The following EPHA6 variants were observed in gnomAD, a reference collection of about 807,000 sequenced individuals.
EPHA6 encodes EPH receptor A6.
EPHA6 carries 50 observed loss-of-function variants against 112.0 expected under a neutral mutation model. The observed-to-expected ratio is 0.45, with a 90% CI of 0.36 to 0.56. The LOEUF is 0.56. Among genes scored for constraint, EPHA6 ranks in the 20% least tolerant of loss-of-function variants. The probability of loss-of-function intolerance (pLI) is 0.00; values close to 1 mark genes in which losing one functional copy is unlikely to be tolerated. For missense variants in EPHA6, 1,280 were observed against 1,417.4 expected, an observed-to-expected ratio of 0.90 and a Z score of 1.56; for synonymous variants, 529 against 490.7, an observed-to-expected ratio of 1.08 and a Z score of -1.03.
chr3:97,284,253 T>C (rs997031522), intron 5 of EPHA6, among the ~76,000 whole-genome samples: 5 of 152,222 alleles, frequency 3.3e-5, no homozygotes, highest in African/African-American at 1.2e-4. Context: ...TTTTACTAGC[T>C]TTTAAATCTG....
intron 14 of EPHA6, among the ~76,000 whole-genome samples, chr3:97,645,302 TG>T (rs1219459039): frequency 2.1e-5 from 3 of 146,050 alleles, no homozygotes; most frequent in Non-Finnish European, 4.5e-5. Context: ...TAAGAAAATG[TG>T]GCACATATAC....
In EPHA6 at chr3:97,533,193, C is replaced by T. The variant is rs868455268; in HGVS notation, c.2386+650C>T. Among the ~76,000 whole-genome samples the T allele has an allele frequency of 2.0e-5, 3 of 151,862 alleles. No individual in the cohort carries two copies. In the South Asian group the frequency reaches 6.2e-4, roughly 31 times the overall value. On this transcript the variant is annotated intron_variant, in intron 11 of 17. Transcript: ENST00000389672. ...AAAAATGATAGGGCATAAAATATGA[C>T]AATATTTCTCATTACTTTATTCACT...
intron 2 of EPHA6, among the ~76,000 whole-genome samples, chr3:96,867,188 A>G (rs1027186105): frequency 2.6e-5 from 4 of 151,850 alleles, no homozygotes; most frequent in African/African-American, 9.7e-5. Context: ...AAGTTTATAT[A>G]TGTTACATTT....
intron 6 of EPHA6, among the ~76,000 whole-genome samples, chr3:97,408,194 T>C (rs2087484623): frequency 6.6e-6 from 1 of 152,042 alleles, no homozygotes; most frequent in Non-Finnish European, 1.5e-5. Flanking sequence ...GGTGTAGCCT[T>C]CATGGCCTAA....
chr3:96,908,304 C>G (rs1371915322), intron 2 of EPHA6, among the ~76,000 whole-genome samples: 1 of 151,910 alleles, frequency 6.6e-6, no homozygotes, highest in African/African-American at 2.4e-5. Context: ...ATTTATTTAA[C>G]TAACTACTAA....
At chr3:97,141,810 AG>A (rs1322146611) in intron 3 of EPHA6, among the ~76,000 whole-genome samples, 1 of 152,096 alleles carries the variant, frequency 6.6e-6, no homozygotes, top group Non-Finnish European at 1.5e-5. Flanking sequence ...CACTAGCAGA[AG>A]AACAGAAATA....
intron 6 of EPHA6, among the ~76,000 whole-genome samples, chr3:97,441,143 G>A (rs186834128): frequency 6.6e-5 from 10 of 151,892 alleles, no homozygotes; most frequent in East Asian, 1.9e-4. Context: ...CCCAAATATC[G>A]TGAGATTGAA....
chr3:96,919,311 G>A (rs1171176510), intron 2 of EPHA6, among the ~76,000 whole-genome samples: 1 of 151,730 alleles, frequency 6.6e-6, no homozygotes, highest in Non-Finnish European at 1.5e-5. Flanking sequence ...AACTTTTCAA[G>A]AATGACAAAA....
At chr3:97,136,615 G>A (rs919512605) in intron 3 of EPHA6, among the ~76,000 whole-genome samples, 6 of 152,102 alleles carry the variant, frequency 3.9e-5, no homozygotes, top group Non-Finnish European at 8.8e-5. Context: ...TGTAATCCCA[G>A]CAACTCAAGA....
intron 3 of EPHA6, among the ~76,000 whole-genome samples, chr3:97,063,932 G>T (rs1163619000): frequency 6.6e-6 from 1 of 152,060 alleles, no homozygotes; most frequent in Non-Finnish European, 1.5e-5. Flanking sequence ...ATTGATAACT[G>T]GAACAATGGA....
intron 11 of EPHA6, among the ~76,000 whole-genome samples, chr3:97,578,321 A>G (rs2093406760): frequency 6.6e-6 from 1 of 152,046 alleles, no homozygotes; most frequent in African/African-American, 2.4e-5. Context: ...CACACTGTCC[A>G]GGATGGTTGT....
intron 6 of EPHA6, among the ~76,000 whole-genome samples, chr3:97,433,136 C>T (rs1341509031): frequency 6.6e-6 from 1 of 152,082 alleles, no homozygotes; most frequent in African/African-American, 2.4e-5. Flanking sequence ...ATAAGGAAAA[C>T]TGGTTTGGCC....
At chr3:97,535,573 A>T (rs571502357) in intron 11 of EPHA6, among the ~76,000 whole-genome samples, 45 of 152,266 alleles carry the variant, frequency 3.0e-4, no homozygotes, top group African/African-American at 1.0e-3. Flanking sequence ...GCCAATAAAT[A>T]AATGAGTGCC....
In EPHA6 at chr3:97,748,612, C is replaced by G. The variant is rs763566597; in HGVS notation, c.3304C>G (p.Leu1102Val). The change falls in exon 18 of 18, where the codon CTT becomes GTT. Residue 1102 changes from leucine to valine, a missense_variant. Leu to Val is a conservative substitution (Grantham distance 32). Coordinates refer to ENST00000389672, the MANE Select transcript of EPHA6 (RefSeq NM_001080448.3). Reference sequence around the variant, plus strand: ...TGACATTAGAAGAATTGGAGTCATACTTATTGGACACCAGAGACGAATAGT... The same window carrying G: ...TGACATTAGAAGAATTGGAGTCATAGTTATTGGACACCAGAGACGAATAGT... ...IDDIRRIGVI[L>V]IGHQRRIVSS... is the part of the protein sequence containing the mutation. 2 of 1,608,970 alleles carry G rather than the reference C, an allele frequency of 1.2e-6. No individual in the cohort carries two copies. The highest frequency in any genetic ancestry group is 1.7e-6 in the Non-Finnish European group (2 of 1,175,816).
At chr3:97,656,093 A>G (rs991109167) in intron 14 of EPHA6, among the ~76,000 whole-genome samples, 1 of 151,978 alleles carries the variant, frequency 6.6e-6, no homozygotes, top group Non-Finnish European at 1.5e-5. Context: ...AAGGAAAGAG[A>G]ACAATATATG....
intron 2 of EPHA6, among the ~76,000 whole-genome samples, chr3:96,958,405 A>G (rs1047172130): frequency 1.3e-5 from 2 of 152,176 alleles, no homozygotes; most frequent in African/African-American, 4.8e-5. Context: ...GTAAAATGTG[A>G]ATAATAATAT....
At chr3:97,059,581 CA>C (rs1352929753) in intron 3 of EPHA6, among the ~76,000 whole-genome samples, 2 of 151,428 alleles carry the variant, frequency 1.3e-5, no homozygotes, top group African/African-American at 4.9e-5. Flanking sequence ...AGCTAAAAAA[CA>C]AATTAGATCA....
At chr3:97,368,294 G>A (rs755244005) in intron 5 of EPHA6, among the ~76,000 whole-genome samples, 1 of 152,062 alleles carries the variant, frequency 6.6e-6, no homozygotes, top group Non-Finnish European at 1.5e-5. Context: ...GAGAGACTAT[G>A]TCATTTCTTT....
At chr3:96,971,671 C>T (rs1400989235) in intron 2 of EPHA6, among the ~76,000 whole-genome samples, 2 of 152,024 alleles carry the variant, frequency 1.3e-5, no homozygotes, top group Non-Finnish European at 2.9e-5. Context: ...ATATTAGATA[C>T]GTATGTTTAA....
Sources: allele counts gnomAD v4.1 joint callset (sites outside exome capture counted in the v4.1 genomes callset), GRCh38; gene constraint gnomAD v4.1.1; transcripts MANE v1.5; gene names NCBI Gene and HGNC (gene_info 2026-07-23, HGNC 2026-07-21).